Variants in GSE1 observed in about 807,000 individuals in gnomAD.
GSE1 encodes genetic suppressor element 1.
GSE1 carries 32 observed loss-of-function variants against 112.6 expected under a neutral mutation model. The ratio of observed to expected loss-of-function variants is 0.28; its 90% CI spans 0.21 to 0.38. GSE1 has a LOEUF of 0.38. Ranked by LOEUF, GSE1 falls within the 10% of genes least tolerant of loss-of-function variation. The pLI, the probability that GSE1 is intolerant of heterozygous loss-of-function variation, is 1.00. For synonymous variants in GSE1, 1,115 were observed against 735.6 expected (o/e 1.52, Z -8.35); for missense variants, 2,348 against 1,699.2 (o/e 1.38, Z -6.71).
intron 1 of GSE1, among the ~76,000 whole-genome samples, chr16:85,186,608 A>G (rs2074707090): frequency 1.3e-5 from 2 of 151,156 alleles, no homozygotes; most frequent in Admixed American, 1.3e-4. Context: ...GTCTCAAGAA[A>G]AAAAAAAAAA....
In GSE1 at chr16:85,526,860, T is replaced by A. The variant is rs1388272228; in HGVS notation, c.2465-107054T>A. 2.6e-5 allele frequency among the ~76,000 whole-genome samples: 4 copies of A among 152,252 alleles called. 1 individual carries two copies. The highest frequency in any genetic ancestry group is 5.9e-5 in the Non-Finnish European group (4 of 68,042). On this transcript the variant is annotated intron_variant, in intron 2 of 2. Coordinates refer to the GSE1 transcript ENST00000637419. ...AAGGTCACCATTTGTTCCAGGGAGC[T>A]GCTAGTGTATAAAGAACTAAACATG...
intron 1 of GSE1, among the ~76,000 whole-genome samples, chr16:85,209,201 A>G (rs2075179559): frequency 6.6e-6 from 1 of 152,166 alleles, no homozygotes; most frequent in South Asian, 2.1e-4. Flanking sequence ...CTGCGCAGGA[A>G]TTGGCTCCTT....
chr16:85,523,413 A>G (rs982121149), intron 2 of GSE1, among the ~76,000 whole-genome samples: 1 of 152,178 alleles, frequency 6.6e-6, no homozygotes, highest in Non-Finnish European at 1.5e-5. Flanking sequence ...CATGCTCAGG[A>G]AGGTGCTGGG....
chr16:85,581,555 C>G (rs1358498726), intron 1 of GSE1, among the ~76,000 whole-genome samples: 2 of 152,136 alleles, frequency 1.3e-5, no homozygotes, highest in Admixed American at 1.3e-4. Flanking sequence ...AAGGCAGGAC[C>G]CTGGAGAGCC....
chr16:85,357,618 G>A, exon 2 of GSE1: 11 of 1,289,054 alleles, frequency 8.5e-6, no homozygotes, highest in Non-Finnish European at 1.0e-5. Flanking sequence ...GCCGGGAGGA[G>A]GACGGACCAG....
intron 2 of GSE1, among the ~76,000 whole-genome samples, chr16:85,404,593 G>GGC (rs1555579917): frequency 1.6e-5 from 1 of 62,938 alleles, no homozygotes; most frequent in African/African-American, 8.9e-5. Context: ...TTACACTCAG[G>GGC]CCCCCCGGAT....
chr16:85,236,211 G>A (rs1471354408), intron 1 of GSE1, among the ~76,000 whole-genome samples: 1 of 152,204 alleles, frequency 6.6e-6, no homozygotes, highest in Non-Finnish European at 1.5e-5. Flanking sequence ...CCCATAGTAC[G>A]GAGGGAGAAA....
intron 2 of GSE1, among the ~76,000 whole-genome samples, chr16:85,460,314 C>G (rs756863217): frequency 3.9e-5 from 6 of 152,162 alleles, no homozygotes; most frequent in Non-Finnish European, 8.8e-5. Context: ...CCCCCTTCTC[C>G]AGAGATTCTG....
chr16:85,652,381 G>C (rs562789090), intron 3 of GSE1, among the ~76,000 whole-genome samples: 5 of 152,194 alleles, frequency 3.3e-5, no homozygotes, highest in African/African-American at 9.7e-5. Context: ...GGAAGTTCCC[G>C]GCCCCACGCA....
chr16:85,216,381 A>C (rs2075306789), intron 1 of GSE1, among the ~76,000 whole-genome samples: 1 of 152,220 alleles, frequency 6.6e-6, no homozygotes, highest in Non-Finnish European at 1.5e-5. Flanking sequence ...CCTGAATGAC[A>C]GAGCAAGACC....
intron 1 of GSE1, among the ~76,000 whole-genome samples, chr16:85,206,968 G>A (rs2075129256): frequency 2.0e-5 from 3 of 152,170 alleles, no homozygotes; most frequent in Non-Finnish European, 2.9e-5. Flanking sequence ...AGCCTCCGGC[G>A]GCAGTTCTTG....
intron 1 of GSE1, chr16:85,171,840 T>G (rs370537337): frequency 1.0e-6 from 1 of 963,406 alleles, no homozygotes; most frequent in East Asian, 1.1e-4. Context: ...TCTTAGACGC[T>G]TCCTCCAAAA....
chr16:85,350,751 C>A (rs2046836213), intron 1 of GSE1, among the ~76,000 whole-genome samples: 1 of 152,194 alleles, frequency 6.6e-6, no homozygotes, highest in Non-Finnish European at 1.5e-5. Context: ...CTCCGTCATT[C>A]CTCTTGGAGG....
intron 2 of GSE1, among the ~76,000 whole-genome samples, chr16:85,635,007 G>A (rs2049869643): frequency 1.3e-5 from 2 of 152,128 alleles, no homozygotes; most frequent in South Asian, 4.1e-4. Context: ...CACCTCCAAG[G>A]CCCACGGGTT....
At chr16:85,337,235 G>GC (rs35380427) in intron 1 of GSE1, among the ~76,000 whole-genome samples, 2 of 151,500 alleles carry the variant, frequency 1.3e-5, no homozygotes, top group African/African-American at 4.9e-5. Context: ...AGGCAGCACA[G>GC]CCCCCTTAGG....
chr16:85,670,151 T>TG (rs1360011268), intron 14 of GSE1, among the ~76,000 whole-genome samples: 1 of 152,236 alleles, frequency 6.6e-6, no homozygotes, highest in African/African-American at 2.4e-5. Flanking sequence ...ACATAGATTT[T>TG]GGGGGTCTTT....
intron 1 of GSE1, among the ~76,000 whole-genome samples, chr16:85,224,512 C>A (rs758211571): frequency 2.0e-5 from 3 of 152,048 alleles, no homozygotes; most frequent in Non-Finnish European, 4.4e-5. Flanking sequence ...TTCCTGGATG[C>A]TGAGCTTTTG....
intron 2 of GSE1, among the ~76,000 whole-genome samples, chr16:85,533,415 G>A (rs749891161): frequency 4.0e-5 from 6 of 151,610 alleles, no homozygotes; most frequent in Non-Finnish European, 7.4e-5. Flanking sequence ...GCGAGACTCC[G>A]TTTCAAAAAA....
chr16:85,537,020 C>T (rs954645774), intron 2 of GSE1, among the ~76,000 whole-genome samples: 9 of 152,208 alleles, frequency 5.9e-5, no homozygotes, highest in Non-Finnish European at 8.8e-5. Context: ...GACGAGTGGG[C>T]TGGGCAGTGG....
Sources: allele counts gnomAD v4.1 joint callset (sites outside exome capture counted in the v4.1 genomes callset), GRCh38; gene constraint gnomAD v4.1.1; transcripts MANE v1.5; gene names NCBI Gene and HGNC (gene_info 2026-07-23, HGNC 2026-07-21).